Variants in TMBIM1 observed in about 807,000 individuals in gnomAD.
The protein encoded by TMBIM1 is protein lifeguard 3.
A neutral mutation model predicts 45.1 loss-of-function variants in TMBIM1; 34 were observed. The ratio of observed to expected loss-of-function variants is 0.75; its 90% CI spans 0.57 to 1.00. The LOEUF is 1.00. TMBIM1 is among the 50% of genes least tolerant of loss of function. The pLI is 0.00. For synonymous variants in TMBIM1, 157 were observed against 153.5 expected (o/e 1.02, Z -0.17); for missense variants, 374 against 402.4 (o/e 0.93, Z 0.60).
chr2:218,280,815 T>TC (rs1422130191), intron 2 of TMBIM1: 1 of 147,954 alleles, frequency 6.8e-6, no homozygotes, highest in East Asian at 1.9e-4. Context: ...CTTTTTTTTT[T>TC]TTTTTTTTTT....
chr2:218,282,114 A>G lies in TMBIM1; in HGVS notation c.28T>C (p.Tyr10His). The change falls in exon 2 of 12, where the codon TAT becomes CAT. Residue 10 changes from tyrosine to histidine, a missense_variant. Tyr to His is a moderately conservative substitution (Grantham distance 83, BLOSUM62 2). Coordinates refer to ENST00000258412, the MANE Select transcript of TMBIM1 (RefSeq NM_022152.6). Reference sequence around the variant, plus strand: ...GGGTACAGGGGGTTGCGGTCTTCATATGGTGGTGGGGCGCTGGGGTTGGAC... The same window carrying G: ...GGGTACAGGGGGTTGCGGTCTTCATGTGGTGGTGGGGCGCTGGGGTTGGAC... Reference protein sequence around the residue: MSNPSAPPPYEDRNPLYPGP... With the variant: MSNPSAPPPHEDRNPLYPGP... 6.5e-7 allele frequency: 1 copy of G among 1,538,060 alleles called. No individual in the cohort carries two copies. Among genetic ancestry groups the G allele is most frequent in the South Asian group, 1.2e-5 (1 of 81,066 alleles).
At chr2:218,287,149 G>A (rs1266720871) in intron 1 of TMBIM1, 1 of 152,162 alleles carries the variant, frequency 6.6e-6, no homozygotes, top group Non-Finnish European at 1.5e-5. Context: ...CTAAGAGGAT[G>A]AAGCCACAGG....
intron 10 of TMBIM1, among the ~76,000 whole-genome samples, chr2:218,276,299 A>G (rs570549201): frequency 6.6e-6 from 1 of 152,336 alleles, no homozygotes; most frequent in South Asian, 2.1e-4. Context: ...TATAAAACCA[A>G]TCTCCAAAGC....
chr2:218,277,865 C>A lies in TMBIM1; in HGVS notation c.513+70G>T, dbSNP rs954077266. Reference sequence around the variant, plus strand: ...CCAGGACATCCTTCTGAAATGGGTCCCCATCCCTTCCCTGGGAGCAGTCTC... The same window carrying A: ...CCAGGACATCCTTCTGAAATGGGTCACCATCCCTTCCCTGGGAGCAGTCTC... On this transcript the variant is annotated intron_variant, in intron 7 of 11. Transcript: ENST00000258412. 3 of 1,604,144 alleles carry A rather than the reference C, an allele frequency of 1.9e-6. No homozygotes were observed. In the African/African-American group the frequency reaches 4.0e-5, roughly 21 times the overall value.
At position 218,282,172 on chromosome 2, in the gene TMBIM1, C is replaced by A; in HGVS notation, c.-31G>T. The A allele has an allele frequency of 7.0e-7, 1 of 1,432,536 alleles. No individual in the cohort carries two copies. 88.7% of individuals were successfully genotyped at this position (1,432,536 alleles called of 1,614,324 possible). A position where few individuals can be genotyped will look rare whatever the true frequency, so the allele number is the denominator to read the frequency against. ...CTCACGGGCTGAGGGGGAACCCCAGCTGCTGGGACCTGAAATGGGAGAGGA... is the reference window on the plus strand; with the variant it reads ...CTCACGGGCTGAGGGGGAACCCCAGATGCTGGGACCTGAAATGGGAGAGGA... On this transcript the variant is annotated 5_prime_UTR_variant, in exon 2 of 12. Transcript: ENST00000258412.
intron 7 of TMBIM1, 41 bp downstream of exon 7, chr2:218,277,894 C>G: frequency 6.2e-7 from 1 of 1,613,644 alleles, no homozygotes; most frequent in Non-Finnish European, 8.5e-7. Context: ...CAGTCTCCCT[C>G]ACAGCATCTC....
In TMBIM1 at chr2:218,275,508, G is replaced by A. The variant is rs755109208; in HGVS notation, c.903C>T (p.Thr301=). 21 of 1,614,028 alleles carry A rather than the reference G, an allele frequency of 1.3e-5. No homozygotes were observed. The highest frequency in any genetic ancestry group is 1.6e-5 in the Non-Finnish European group (19 of 1,179,986). The part of the protein sequence containing the change: ...QIYTDIIYIF[T]FVLQLMGDRN ...GATCCCCCATCAGCTGCAGCACAAA[G>A]GTGAAGATGTAGATGATGTCTGTGT... The change falls in exon 12 of 12, where the codon ACC becomes ACT. Residue 301 remains threonine (T), a synonymous_variant. Coordinates refer to ENST00000258412, the MANE Select transcript of TMBIM1 (RefSeq NM_022152.6).
At position 218,275,586 on chromosome 2, in the gene TMBIM1, G is replaced by A. The variant is rs1022380029; in HGVS notation, c.825C>T (p.Asn275=). The A allele has an allele frequency of 1.1e-5, 17 of 1,613,872 alleles. No homozygotes were observed. Among genetic ancestry groups the A allele is most frequent in the South Asian group, 5.5e-5 (5 of 91,044 alleles). The change falls in exon 12 of 12, where the codon AAC becomes AAT. Residue 275 remains asparagine, a synonymous_variant. Transcript: ENST00000258412. The part of the protein sequence containing the change: ...LAYDTQLVLG[N]RKHTISPEDY... Reference sequence around the variant, plus strand: ...CCTCGGGGCTGATGGTGTGCTTCCGGTTCCCCAGGACCAGCTGTGTGTCGT... The same window carrying A: ...CCTCGGGGCTGATGGTGTGCTTCCGATTCCCCAGGACCAGCTGTGTGTCGT...
chr2:218,285,255 G>T (rs1230384095), intron 1 of TMBIM1, among the ~76,000 whole-genome samples: 2 of 152,202 alleles, frequency 1.3e-5, no homozygotes, highest in East Asian at 3.8e-4. Flanking sequence ...AGGCACAGAA[G>T]AATTAAATCA....
At chr2:218,282,337 C>T (rs541315421) in intron 1 of TMBIM1, 156 bp from the exon 2 acceptor site, 7 of 497,258 alleles carry the variant, frequency 1.4e-5, no homozygotes, top group African/African-American at 1.0e-4. Flanking sequence ...GTCCACAGGC[C>T]ACCTCCCCAC....
intron 2 of TMBIM1, 168 bp from the exon 3 acceptor site, chr2:218,280,294 C>G (rs1182583465): frequency 1.5e-5 from 9 of 586,232 alleles, no homozygotes; most frequent in Non-Finnish European, 2.7e-5. Context: ...CAGAGTGACC[C>G]AGAGCCGGCC....
In TMBIM1 at chr2:218,281,940, C is replaced by G; in HGVS notation, c.202G>C (p.Gly68Arg). The G allele has an allele frequency of 6.3e-7, 1 of 1,592,614 alleles. No homozygotes were observed. Among genetic ancestry groups the G allele is most frequent in the East Asian group, 2.3e-5 (1 of 43,922 alleles). ...TTCCATCTGCCCTTCCAGGACTCAC[C>G]GTAGTTCATGGGCATCGGGTGGGTG... Reference protein sequence around the residue: ...PPTHPMPMNYGPGHGYDGEER... With the variant: ...PPTHPMPMNYRPGHGYDGEER... The change falls in exon 2 of 12, where the codon GGC (glycine) becomes CGC (arginine). Residue 68 changes from glycine to arginine, a missense_variant and splice_region_variant. Physicochemically the swap from Gly to Arg is moderately radical, Grantham distance 125. Transcript: ENST00000258412.
intron 11 of TMBIM1, 104 bp downstream of exon 11, chr2:218,275,921 TG>T: frequency 7.6e-7 from 1 of 1,323,944 alleles, no homozygotes; most frequent in South Asian, 1.3e-5. Context: ...TGGCCTGCTA[TG>T]GCCCCATTCC....
intron 1 of TMBIM1, among the ~76,000 whole-genome samples, chr2:218,285,519 G>A (rs1001074305): frequency 2.0e-5 from 3 of 152,276 alleles, no homozygotes; most frequent in African/African-American, 7.2e-5. Context: ...GGCCCCAGGA[G>A]AAGAGGGTGG....
intron 1 of TMBIM1, among the ~76,000 whole-genome samples, chr2:218,289,048 C>G (rs1692740522): frequency 6.6e-6 from 1 of 152,240 alleles, no homozygotes; most frequent in South Asian, 2.1e-4. Flanking sequence ...AAAATTCAGC[C>G]TCTTTGCTTT....
rs187026283 is a variant in TMBIM1, at chr2:218,288,774, T to C, written c.-41+3692A>G. ...TATATGCTCGAGTAGGAGAGTAAAGTGTTTTCTTGGGGGTGGAAGGGAGTT... is the reference window on the plus strand; with the variant it reads ...TATATGCTCGAGTAGGAGAGTAAAGCGTTTTCTTGGGGGTGGAAGGGAGTT... On this transcript the variant is annotated intron_variant, in intron 1 of 11. Transcript: ENST00000258412. Among the ~76,000 whole-genome samples the C allele has an allele frequency of 2.0e-3, 307 of 152,180 alleles. 3 individuals are homozygous for C. The highest frequency in any genetic ancestry group is 6.8e-3 in the African/African-American group (284 of 41,508).
chr2:218,288,741 A>G (rs1363189068), intron 1 of TMBIM1, among the ~76,000 whole-genome samples: 1 of 152,180 alleles, frequency 6.6e-6, no homozygotes, highest in African/African-American at 2.4e-5. Context: ...CCCCATGGCT[A>G]TCGTGACTAT....
intron 1 of TMBIM1, among the ~76,000 whole-genome samples, chr2:218,288,194 C>T (rs1294668008): frequency 1.3e-5 from 2 of 151,978 alleles, no homozygotes; most frequent in African/African-American, 4.8e-5. Flanking sequence ...TTTGGGAGGC[C>T]AAGGCGGGCG....
Position 218,275,920 on chromosome 2 carries a change from A to G in TMBIM1, c.789+106T>C, listed in dbSNP as rs974282773. On this transcript the variant is annotated intron_variant, in intron 11 of 11. Coordinates refer to ENST00000258412, the MANE Select transcript of TMBIM1 (RefSeq NM_022152.6). ...ACAGTAGTGAGAGGAATGGCCTGCT[A>G]TGGCCCCATTCCCTGCCTCCCAGGC... The G allele has an allele frequency of 6.0e-6, 8 of 1,328,646 alleles. 1 individual carries two copies. Among genetic ancestry groups the G allele is most frequent in the Middle Eastern group, 3.6e-4 (2 of 5,516 alleles). The allele number at this position is 1,328,646 out of a possible 1,614,324, so 82.3% of individuals were successfully genotyped here.
Sources: gnomAD v4.1 joint callset for allele counts (sites outside exome capture counted in the v4.1 genomes callset) on GRCh38, gnomAD v4.1.1 for gene constraint, MANE v1.5 for transcripts, NCBI Gene and HGNC (gene_info 2026-07-23, HGNC 2026-07-21) for gene names.